The following NPAS3 variants were observed in gnomAD, a reference collection of about 807,000 sequenced individuals.
NPAS3 encodes neuronal PAS domain-containing protein 3.
A neutral mutation model predicts 73.1 loss-of-function variants in NPAS3; 14 were observed. The ratio of observed to expected loss-of-function variants is 0.19; its 90% confidence interval spans 0.13 to 0.30. The LOEUF is 0.30. NPAS3 is among the 10% of genes least tolerant of loss of function. The pLI is 1.00. For synonymous variants in NPAS3, 620 were observed against 541.5 expected, an observed-to-expected ratio of 1.14 and a Z score of -2.01; for missense variants, 1,096 against 1,250.0, an observed-to-expected ratio of 0.88 and a Z score of 1.86.
At chr14:33,285,276 A>T (rs748169879) in intron 3 of NPAS3, among the ~76,000 whole-genome samples, 27 of 152,164 alleles carry the variant, frequency 1.8e-4, no homozygotes, top group Non-Finnish European at 3.2e-4. Flanking sequence ...ACCTCTTTAC[A>T]CACAGATGAA....
chr14:33,315,640 T>C (rs1052370221), intron 3 of NPAS3, among the ~76,000 whole-genome samples: 4 of 151,518 alleles, frequency 2.6e-5, no homozygotes, highest in African/African-American at 9.7e-5. Flanking sequence ...AGAGAGAGGC[T>C]TTAGTTAGGG....
In NPAS3 at chr14:32,962,676, C is replaced by T. The variant is rs550418532; in HGVS notation, c.50+23310C>T. ...CTCCCGGGTTCAAGCAATTTTCCTG[C>T]CTTAGCCTCCTGAGTAGCTGGGATT... On this transcript the variant is annotated intron_variant, in intron 1 of 11. Coordinates refer to ENST00000356141, the Ensembl canonical transcript of NPAS3. Among the ~76,000 whole-genome samples, 12 of 149,146 alleles carry T rather than the reference C, an allele frequency of 8.0e-5. No individual in the cohort carries two copies. The South Asian group carries it at 2.5e-3, about 32-fold the overall frequency.
chr14:33,145,211 A>G (rs1302114427), intron 2 of NPAS3, among the ~76,000 whole-genome samples: 1 of 152,152 alleles, frequency 6.6e-6, no homozygotes, highest in Non-Finnish European at 1.5e-5. Flanking sequence ...GTATATATGA[A>G]CGTGTATATG....
chr14:33,198,022 G>A (rs2046441752), intron 2 of NPAS3, among the ~76,000 whole-genome samples: 1 of 152,142 alleles, frequency 6.6e-6, no homozygotes, highest in Non-Finnish European at 1.5e-5. Flanking sequence ...GACCTTCACG[G>A]TGAGTATTAC....
chr14:33,216,911 C>G (rs2047243698), intron 3 of NPAS3, among the ~76,000 whole-genome samples: 1 of 152,186 alleles, frequency 6.6e-6, no homozygotes, highest in South Asian at 2.1e-4. Context: ...TACATCCCTT[C>G]TGCCCTTGAG....
intron 1 of NPAS3, among the ~76,000 whole-genome samples, chr14:33,002,659 C>T (rs765002941): frequency 1.2e-4 from 18 of 152,082 alleles, no homozygotes; most frequent in Non-Finnish European, 2.4e-4. Context: ...CTTACTGATA[C>T]CTGGAGACAA....
intron 2 of NPAS3, among the ~76,000 whole-genome samples, chr14:33,068,982 C>T (rs1321455199): frequency 3.3e-5 from 5 of 151,996 alleles, no homozygotes; most frequent in Admixed American, 6.6e-5. Context: ...TTGTTCCACT[C>T]GAAACAGAGT....
intron 2 of NPAS3, among the ~76,000 whole-genome samples, chr14:33,104,834 G>A (rs2042675999): frequency 6.6e-6 from 1 of 152,128 alleles, no homozygotes; most frequent in Non-Finnish European, 1.5e-5. Flanking sequence ...TCTGCATTTA[G>A]TATGGATTTA....
At chr14:33,169,732 G>C (rs1429019261) in intron 2 of NPAS3, among the ~76,000 whole-genome samples, 1 of 152,184 alleles carries the variant, frequency 6.6e-6, no homozygotes, top group Non-Finnish European at 1.5e-5. Context: ...GTACAGAAAG[G>C]CTGCCAGGTT....
At chr14:33,301,909 T>C (rs1383423795) in intron 3 of NPAS3, among the ~76,000 whole-genome samples, 1 of 152,160 alleles carries the variant, frequency 6.6e-6, no homozygotes, top group Non-Finnish European at 1.5e-5. Flanking sequence ...ATGTTTTTCG[T>C]ATAATATAAA....
At chr14:33,490,187 A>G (rs2051823904) in intron 4 of NPAS3, among the ~76,000 whole-genome samples, 1 of 152,168 alleles carries the variant, frequency 6.6e-6, no homozygotes, top group Non-Finnish European at 1.5e-5. Context: ...TTTCATGGGC[A>G]GGTAAACATT....
chr14:33,644,982 G>A lies in NPAS3; in HGVS notation c.559-31229G>A, dbSNP rs569319193. Among the ~76,000 whole-genome samples, 9 of 151,114 alleles carry A rather than the reference G, an allele frequency of 6.0e-5. 1 individual carries two copies. Among genetic ancestry groups the A allele is most frequent in the Non-Finnish European group, 1.2e-4 (8 of 67,544 alleles). Reference sequence around the variant, plus strand: ...TGTAATCCCAGCTACTTGGGAGGCTGAGGCAGGAGAATCGCTTGAAACCGG... The same window carrying A: ...TGTAATCCCAGCTACTTGGGAGGCTAAGGCAGGAGAATCGCTTGAAACCGG... On this transcript the variant is annotated intron_variant, in intron 5 of 11. Transcript: ENST00000356141.
chr14:33,143,084 A>G (rs1380107981), intron 2 of NPAS3, among the ~76,000 whole-genome samples: 1 of 152,208 alleles, frequency 6.6e-6, no homozygotes. Flanking sequence ...CAGCCTGGGC[A>G]ACAAGAGCGA....
chr14:33,776,705 T>A (rs2062831850), intron 8 of NPAS3, among the ~76,000 whole-genome samples: 1 of 152,198 alleles, frequency 6.6e-6, no homozygotes, highest in South Asian at 2.1e-4. Context: ...GGCACTATGC[T>A]GTGTTAATTT....
chr14:33,611,823 T>C (rs1257867465), intron 5 of NPAS3, among the ~76,000 whole-genome samples: 1 of 152,226 alleles, frequency 6.6e-6, no homozygotes, highest in Non-Finnish European at 1.5e-5. Flanking sequence ...TATCTTACTT[T>C]TTTGTGAAAA....
At chr14:33,760,196 C>A (rs145038028) in intron 7 of NPAS3, among the ~76,000 whole-genome samples, 1 of 152,236 alleles carries the variant, frequency 6.6e-6, no homozygotes, top group Non-Finnish European at 1.5e-5. Flanking sequence ...GCTGTCAAGT[C>A]GACCTTCACA....
chr14:33,001,456 T>C (rs746189079), intron 1 of NPAS3, among the ~76,000 whole-genome samples: 27 of 152,196 alleles, frequency 1.8e-4, no homozygotes, highest in Non-Finnish European at 1.9e-4. Context: ...GAGCACGTCC[T>C]TCTTTTTCAC....
chr14:33,007,089 A>G (rs2039026607), intron 1 of NPAS3, among the ~76,000 whole-genome samples: 3 of 152,210 alleles, frequency 2.0e-5, no homozygotes, highest in South Asian at 4.1e-4. Flanking sequence ...GCAATATTTG[A>G]TAATAGAGCT....
chr14:33,569,707 A>G (rs2056122674), intron 5 of NPAS3, among the ~76,000 whole-genome samples: 1 of 152,052 alleles, frequency 6.6e-6, no homozygotes, highest in Non-Finnish European at 1.5e-5. Flanking sequence ...TCTGAGTTTT[A>G]TTCTATAGCC....
Sources: gnomAD v4.1 joint callset for allele counts (sites outside exome capture counted in the v4.1 genomes callset) on GRCh38, gnomAD v4.1.1 for gene constraint, MANE v1.5 for transcripts, NCBI Gene and HGNC (gene_info 2026-07-23, HGNC 2026-07-21) for gene names.